Variants in SUGCT observed in about 807,000 individuals in gnomAD.
The protein encoded by SUGCT is succinyl-CoA:glutarate-CoA transferase.
Under a neutral mutation model 55.0 loss-of-function variants are expected in SUGCT, and 41 were observed. The observed-to-expected ratio is 0.74, with a 90% CI of 0.58 to 0.97. The LOEUF is 0.97. Among genes scored for constraint, SUGCT ranks in the 50% least tolerant of loss-of-function variants. The pLI, the probability that SUGCT is intolerant of heterozygous loss-of-function variation, is 0.00. For missense variants in SUGCT, 568 were observed against 547.8 expected (o/e 1.04, Z -0.37); for synonymous variants, 187 against 200.4 (o/e 0.93, Z 0.56).
At chr7:40,870,755 G>A in the SUGCT span, among the ~76,000 whole-genome samples, 1 of 151,964 alleles carries the variant, frequency 6.6e-6, no homozygotes, top group Non-Finnish European at 1.5e-5. Flanking sequence ...TAATTCTATT[G>A]TAAGAGTTGC....
At chr7:40,385,276 A>G (rs1032932536) in intron 9 of SUGCT, among the ~76,000 whole-genome samples, 5 of 152,280 alleles carry the variant, frequency 3.3e-5, no homozygotes, top group Middle Eastern at 3.4e-3. Flanking sequence ...GGAGTCAGGG[A>G]CAGTTCTGGC....
chr7:40,928,004 C>G, the SUGCT span, among the ~76,000 whole-genome samples: 2 of 151,998 alleles, frequency 1.3e-5, no homozygotes, highest in Admixed American at 1.3e-4. Context: ...TAATGAATCT[C>G]TAGTGGTAGT....
At chr7:40,639,232 A>G (rs1230436207) in intron 12 of SUGCT, among the ~76,000 whole-genome samples, 1 of 152,186 alleles carries the variant, frequency 6.6e-6, no homozygotes, top group Non-Finnish European at 1.5e-5. Context: ...GCTAGATCGT[A>G]AACTGTGATG....
At chr7:40,905,138 A>G in the SUGCT span, among the ~76,000 whole-genome samples, 3 of 152,318 alleles carry the variant, frequency 2.0e-5, no homozygotes, top group Admixed American at 6.5e-5. Flanking sequence ...ACTTTGATAC[A>G]TATCTCCAAC....
rs1416213726 is a variant in SUGCT, at chr7:40,449,355, C to T, written c.885C>T (p.Cys295=). The stretch of plus-strand genomic sequence containing the variant: ...ATAACCAGCAGTTTGCCACCGTCTG[C>T]AAGGTAATCTATAATTATTGGGATT... ...AGNNQQFATV[C]KILDLPELID... is the part of the protein sequence containing the mutation. The change falls in exon 10 of 14, where the codon TGC becomes TGT. Residue 295 remains cysteine, a synonymous_variant. Coordinates refer to ENST00000335693, the MANE Select transcript of SUGCT (RefSeq NM_001193313.2). 14 of 1,606,908 alleles carry T rather than the reference C, an allele frequency of 8.7e-6. No individual in the cohort carries two copies. The highest frequency in any genetic ancestry group is 1.1e-5 in the Non-Finnish European group (13 of 1,174,482).
intron 9 of SUGCT, among the ~76,000 whole-genome samples, chr7:40,335,349 T>C (rs1796621809): frequency 6.6e-6 from 1 of 151,904 alleles, no homozygotes; most frequent in Non-Finnish European, 1.5e-5. Flanking sequence ...AGTATGGCCA[T>C]TTTCACGATA....
intron 13 of SUGCT, among the ~76,000 whole-genome samples, chr7:40,836,942 G>A (rs1189010440): frequency 6.6e-6 from 1 of 151,838 alleles, no homozygotes; most frequent in East Asian, 1.9e-4. Context: ...TATTTCTCGG[G>A]GATACATGTT....
At chr7:40,432,440 C>T (rs1787939422) in intron 9 of SUGCT, among the ~76,000 whole-genome samples, 1 of 152,050 alleles carries the variant, frequency 6.6e-6, no homozygotes, top group Admixed American at 6.6e-5. Flanking sequence ...GTAATCCCAG[C>T]ACTTTGGGAG....
chr7:40,330,715 T>G (rs1304081835), intron 9 of SUGCT, among the ~76,000 whole-genome samples: 4 of 152,190 alleles, frequency 2.6e-5, no homozygotes, highest in African/African-American at 7.2e-5. Context: ...TATCACTAAA[T>G]GCGTGGCAAA....
intron 12 of SUGCT, among the ~76,000 whole-genome samples, chr7:40,715,930 C>G (rs78852679): frequency 0.028 from 4,299 of 152,262 alleles, 221 homozygotes; most frequent in African/African-American, 0.098. Flanking sequence ...GTAAGGATTG[C>G]ATTTTGTAGC....
At chr7:40,798,539 A>T (rs1188359890) in intron 13 of SUGCT, among the ~76,000 whole-genome samples, 4 of 152,232 alleles carry the variant, frequency 2.6e-5, no homozygotes, top group African/African-American at 4.8e-5. Flanking sequence ...AAAATAAGTG[A>T]ATTTTAACTC....
the SUGCT span, among the ~76,000 whole-genome samples, chr7:40,868,532 G>C: frequency 1.3e-5 from 2 of 152,110 alleles, no homozygotes; most frequent in Admixed American, 1.3e-4. Flanking sequence ...ATGACACCAA[G>C]ATAGCCTTGT....
At chr7:40,728,836 T>C (rs1786739694) in intron 12 of SUGCT, among the ~76,000 whole-genome samples, 1 of 152,220 alleles carries the variant, frequency 6.6e-6, no homozygotes, top group African/African-American at 2.4e-5. Flanking sequence ...GAAGACTTTA[T>C]ATAACAAAAC....
intron 12 of SUGCT, among the ~76,000 whole-genome samples, chr7:40,736,416 T>A (rs1787170332): frequency 6.6e-6 from 1 of 151,338 alleles, no homozygotes; most frequent in South Asian, 2.1e-4. Flanking sequence ...TTTACCATGC[T>A]TAGGAATTTT....
At chr7:40,393,810 G>A (rs1051785532) in intron 9 of SUGCT, among the ~76,000 whole-genome samples, 2 of 152,208 alleles carry the variant, frequency 1.3e-5, no homozygotes, top group African/African-American at 4.8e-5. Flanking sequence ...GTGTTAGACA[G>A]TCCAGTGATT....
intron 12 of SUGCT, among the ~76,000 whole-genome samples, chr7:40,597,329 A>T (rs1410631836): frequency 6.6e-6 from 1 of 152,306 alleles, no homozygotes; most frequent in South Asian, 2.1e-4. Flanking sequence ...TCAAGTTCAG[A>T]TAAGTTTTTT....
chr7:40,250,598 CAT>C (rs1331055050), intron 7 of SUGCT, among the ~76,000 whole-genome samples: 4 of 151,890 alleles, frequency 2.6e-5, no homozygotes, highest in Admixed American at 6.6e-5. Context: ...ATATGACAAA[CAT>C]AAATTATTTT....
At chr7:40,926,032 GC>G in the SUGCT span, among the ~76,000 whole-genome samples, 1 of 151,916 alleles carries the variant, frequency 6.6e-6, no homozygotes, top group Non-Finnish European at 1.5e-5. Context: ...GTTTGAGGTT[GC>G]AGTGAACTAT....
chr7:40,723,074 TA>T (rs1000325187), intron 12 of SUGCT, among the ~76,000 whole-genome samples: 1 of 152,124 alleles, frequency 6.6e-6, no homozygotes, highest in African/African-American at 2.4e-5. Flanking sequence ...TCTACTTAAC[TA>T]AAATGACAAA....
Sources: allele counts gnomAD v4.1 joint callset (sites outside exome capture counted in the v4.1 genomes callset), GRCh38; gene constraint gnomAD v4.1.1; transcripts MANE v1.5; gene names NCBI Gene and HGNC (gene_info 2026-07-23, HGNC 2026-07-21).